SMIM13: variants seen among roughly 807,000 people sequenced by gnomAD.
SMIM13 encodes small integral membrane protein 13.
Under a neutral mutation model 5.9 loss-of-function variants are expected in SMIM13, and 3 were observed. The ratio of observed to expected loss-of-function variants is 0.51; its 90% confidence interval spans 0.23 to 1.31. The LOEUF (loss-of-function observed/expected upper bound fraction) is 1.31. SMIM13 is among the 40% of genes most tolerant of loss of function. The pLI is 0.18. For synonymous variants in SMIM13, 55 were observed against 46.0 expected (o/e 1.19, Z -0.79); for missense variants, 85 against 109.9 (o/e 0.77, Z 1.01).
At chr6:11,128,839 A>C (rs996686505) in intron 1 of SMIM13, among the ~76,000 whole-genome samples, 12 of 151,962 alleles carry the variant, frequency 7.9e-5, no homozygotes, top group African/African-American at 2.9e-4. Context: ...GTCCCATAAT[A>C]ATCACTGTGC....
intron 1 of SMIM13, among the ~76,000 whole-genome samples, chr6:11,122,133 T>C (rs1483239003): frequency 1.3e-5 from 2 of 152,226 alleles, no homozygotes; most frequent in African/African-American, 2.4e-5. Context: ...CAAGGCTGCA[T>C]GTCCATCGCA....
chr6:11,122,671 G>T (rs1355078053), intron 1 of SMIM13, among the ~76,000 whole-genome samples: 1 of 152,142 alleles, frequency 6.6e-6, no homozygotes, highest in Non-Finnish European at 1.5e-5. Context: ...ACTTTTTGCA[G>T]TGTGGACCTT....
intron 1 of SMIM13, chr6:11,105,186 T>C (rs1280632114): frequency 6.2e-7 from 1 of 1,614,098 alleles, no homozygotes; most frequent in Non-Finnish European, 8.5e-7. Flanking sequence ...TAACCAGCAA[T>C]TGGTGGAGTA....
intron 1 of SMIM13, among the ~76,000 whole-genome samples, chr6:11,127,755 C>G (rs1397351417): frequency 4.6e-5 from 7 of 152,222 alleles, no homozygotes; most frequent in Non-Finnish European, 1.0e-4. Context: ...CACTGGGTCC[C>G]TCCCACAACA....
At chr6:11,129,222 C>T (rs1188963759) in intron 1 of SMIM13, among the ~76,000 whole-genome samples, 1 of 152,134 alleles carries the variant, frequency 6.6e-6, no homozygotes, top group African/African-American at 2.4e-5. Flanking sequence ...AACCATCATT[C>T]TACTCTATCT....
At chr6:11,132,533 A>C (rs1758463846) in intron 1 of SMIM13, among the ~76,000 whole-genome samples, 1 of 152,230 alleles carries the variant, frequency 6.6e-6, no homozygotes, top group Admixed American at 6.5e-5. Flanking sequence ...AATGTCTATC[A>C]ATTGATGAAT....
At chr6:11,115,991 G>A (rs1023532906) in intron 1 of SMIM13, among the ~76,000 whole-genome samples, 4 of 146,274 alleles carry the variant, frequency 2.7e-5, no homozygotes, top group South Asian at 2.2e-4. Flanking sequence ...CCTGCCGGCC[G>A]GCCTTCCTTC....
At chr6:11,128,546 G>A (rs1029075870) in intron 1 of SMIM13, among the ~76,000 whole-genome samples, 1 of 152,136 alleles carries the variant, frequency 6.6e-6, no homozygotes, top group African/African-American at 2.4e-5. Flanking sequence ...ACTAGGTTGT[G>A]TGCCCTCTAA....
In SMIM13 at chr6:11,135,247, C is replaced by T. The variant is rs952451374; in HGVS notation, c.*645C>T. On this transcript the variant is annotated 3_prime_UTR_variant, in exon 2 of 2. Transcript: ENST00000416247. ...AAATATTCGTCGCTGGAGAAATGAT[C>T]GCAATTCCATATTTTCCTGCAAAGC... 4 of 152,540 alleles carry T rather than the reference C, an allele frequency of 2.6e-5. No homozygotes were observed. Among genetic ancestry groups the T allele is most frequent in the South Asian group, 2.1e-4 (1 of 4,832 alleles). The allele number at this position is 152,540 out of a possible 1,614,324, so 9.4% of individuals were successfully genotyped here. A position where few individuals can be genotyped will look rare whatever the true frequency, so the allele number is the denominator to read the frequency against.
At chr6:11,134,325 C>T in intron 1 of SMIM13, 78 bp from the exon 2 acceptor site, 31 of 930,782 alleles carry the variant, frequency 3.3e-5, no homozygotes, top group South Asian at 8.8e-5. Flanking sequence ...TGTAATATAC[C>T]CCCCATTAAC....
chr6:11,104,574 G>C, intron 1 of SMIM13: 1 of 1,610,774 alleles, frequency 6.2e-7, no homozygotes. Flanking sequence ...GCTCTGGTTA[G>C]CTCCCTTGGT....
chr6:11,134,698 G>T lies in SMIM13; in HGVS notation c.*96G>T. On this transcript the variant is annotated 3_prime_UTR_variant, in exon 2 of 2. Coordinates refer to ENST00000416247, the MANE Select transcript of SMIM13 (RefSeq NM_001135575.2). ...CTAATGACTGAAGAACATTTGTATTGGATTTTAAGTCGAATTTTAAAAAAG... is the reference window on the plus strand; with the variant it reads ...CTAATGACTGAAGAACATTTGTATTTGATTTTAAGTCGAATTTTAAAAAAG... The T allele has an allele frequency of 1.0e-6, 1 of 980,104 alleles. No homozygotes were observed. The allele number at this position is 980,104 out of a possible 1,614,324, so 60.7% of individuals were successfully genotyped here.
intron 1 of SMIM13, chr6:11,103,867 A>G (rs1013245102): frequency 1.2e-5 from 19 of 1,551,616 alleles, no homozygotes; most frequent in Non-Finnish European, 1.6e-5. Flanking sequence ...GGAAGAACCC[A>G]AGAGAACCAT....
chr6:11,120,533 G>GGCTCCACCTGCAAATACTGTCACAT (rs1758296563), intron 1 of SMIM13, among the ~76,000 whole-genome samples: 1 of 152,176 alleles, frequency 6.6e-6, no homozygotes, highest in South Asian at 2.1e-4. Flanking sequence ...ACCTCCCAGA[G>GGCTCCACCTGCAAATACTGTCACAT]GCTCCACCTG....
intron 1 of SMIM13, chr6:11,104,652 T>C: frequency 1.2e-6 from 2 of 1,614,204 alleles, no homozygotes; most frequent in Non-Finnish European, 8.5e-7. Context: ...AGAGCTGAGG[T>C]TGGAAATTTG....
At chr6:11,099,214 C>T (rs113393635) in intron 1 of SMIM13, among the ~76,000 whole-genome samples, 1,684 of 151,928 alleles carry the variant, frequency 0.011, 34 homozygotes, top group African/African-American at 0.039. Flanking sequence ...CTAGCTCTGT[C>T]GCCAGGCTGG....
intron 1 of SMIM13, among the ~76,000 whole-genome samples, chr6:11,129,973 G>T (rs1226612287): frequency 6.6e-6 from 1 of 151,968 alleles, no homozygotes; most frequent in Non-Finnish European, 1.5e-5. Flanking sequence ...GGCATTTTTA[G>T]TCTCATCCTT....
chr6:11,094,396 G>C lies in SMIM13; in HGVS notation c.76+7G>C. The C allele has an allele frequency of 6.5e-7, 1 of 1,533,964 alleles. No individual in the cohort carries two copies. Among genetic ancestry groups the C allele is most frequent in the Non-Finnish European group, 8.8e-7 (1 of 1,141,920 alleles). On this transcript the variant is annotated splice_region_variant and intron_variant, in intron 1 of 1. Transcript: ENST00000416247. ...CTGCTGCTGATGGTGTGCGGTGAGT[G>C]GGGGCGGTAGCCGCGAGGCAGTTCC...
In SMIM13 at chr6:11,134,590, A is replaced by G. The variant is rs1360960744; in HGVS notation, c.264A>G (p.Arg88=). Residue 88 remains arginine, a synonymous_variant, in exon 2 of 2, where the codon AGA becomes AGG. Coordinates refer to ENST00000416247, the MANE Select transcript of SMIM13 (RefSeq NM_001135575.2). ...QRRAPADEGH[R]PLT ...GGGCACCTGCTGATGAAGGCCACAG[A>G]CCCCTGACATAGTCCTGTACTTGTG... The G allele has an allele frequency of 1.3e-6, 2 of 1,547,180 alleles. No individual in the cohort carries two copies. The highest frequency in any genetic ancestry group is 1.7e-6 in the Non-Finnish European group (2 of 1,145,014).
Sources: gnomAD v4.1 joint callset for allele counts (sites outside exome capture counted in the v4.1 genomes callset) on GRCh38, gnomAD v4.1.1 for gene constraint, MANE v1.5 for transcripts, NCBI Gene and HGNC (gene_info 2026-07-23, HGNC 2026-07-21) for gene names.